Variants in IFT81 observed in about 807,000 individuals in gnomAD.
IFT81 encodes intraflagellar transport protein 81 homolog.
A neutral mutation model predicts 102.6 loss-of-function variants in IFT81; 72 were observed. The ratio of observed to expected loss-of-function variants is 0.70; its 90% CI spans 0.58 to 0.85. IFT81 has a LOEUF of 0.85. Ranked by LOEUF, IFT81 falls within the 40% of genes least tolerant of loss-of-function variation. The probability of loss-of-function intolerance (pLI) is 0.00; values close to 1 mark genes in which losing one functional copy is unlikely to be tolerated. For synonymous variants in IFT81, 237 were observed against 242.7 expected, an observed-to-expected ratio of 0.98 and a Z score of 0.22; for missense variants, 723 against 787.3, an observed-to-expected ratio of 0.92 and a Z score of 0.98.
At chr12:110,144,940 A>G (rs1593295693) in intron 9 of IFT81, among the ~76,000 whole-genome samples, 1 of 134,788 alleles carries the variant, frequency 7.4e-6, no homozygotes, top group African/African-American at 2.9e-5. Flanking sequence ...ATCTCAGCTC[A>G]CTGCAACCTC....
chr12:110,190,865 T>A, intron 12 of IFT81, 55 bp from the exon 13 acceptor site: 1 of 1,442,308 alleles, frequency 6.9e-7, no homozygotes, highest in Non-Finnish European at 9.1e-7. Flanking sequence ...ACATTTCTTA[T>A]GGGAGCCAGC....
At chr12:110,212,788 G>C (rs1182760475) in intron 18 of IFT81, among the ~76,000 whole-genome samples, 3 of 151,706 alleles carry the variant, frequency 2.0e-5, no homozygotes, top group Admixed American at 2.0e-4. Flanking sequence ...AGTGAGCAGA[G>C]ATCACACCAT....
chr12:110,202,960 A>T (rs1483557033), intron 14 of IFT81, among the ~76,000 whole-genome samples: 1 of 152,028 alleles, frequency 6.6e-6, no homozygotes, highest in Non-Finnish European at 1.5e-5. Flanking sequence ...TCCCCTCACC[A>T]TTTCCCAGAA....
chr12:110,216,965 T>A (rs942847767), intron 18 of IFT81: 1 of 195,064 alleles, frequency 5.1e-6, no homozygotes, highest in Non-Finnish European at 1.1e-5. Flanking sequence ...TTTCTCAGGC[T>A]TAGGCTAATA....
chr12:110,212,537 T>TAAA (rs71083109), intron 18 of IFT81, among the ~76,000 whole-genome samples: 2 of 119,908 alleles, frequency 1.7e-5, no homozygotes, highest in African/African-American at 6.3e-5. Flanking sequence ...AACTGTGTCT[T>TAAA]AAAAAAAAAA....
rs144160820 is a variant in IFT81 at position 110,209,030 on chromosome 12, T to G, written c.1803-141T>G. 8.1e-3 allele frequency: 3,308 copies of G among 410,268 alleles called. 14 individuals are homozygous for G. Among genetic ancestry groups the G allele is most frequent in the Non-Finnish European group, 9.2e-3 (2,077 of 225,242 alleles). 25.4% of individuals were successfully genotyped at this position (410,268 alleles called of 1,614,324 possible). ...AAAGATGGGGAAAGACAAAGAATTT[T>G]ATAATGGGTTTCATTCTGACTCCAG... On this transcript the variant is annotated intron_variant, in intron 17 of 18. Coordinates refer to ENST00000242591, the MANE Select transcript of IFT81 (RefSeq NM_014055.4).
At chr12:110,190,064 T>C (rs1041124592) in intron 12 of IFT81, among the ~76,000 whole-genome samples, 1 of 152,220 alleles carries the variant, frequency 6.6e-6, no homozygotes, top group Non-Finnish European at 1.5e-5. Context: ...AAAGTGATCA[T>C]TTTAAAATTG....
At position 110,218,272 on chromosome 12, in the gene IFT81, A is replaced by G. The variant is rs771129476; in HGVS notation, c.*46A>G. On this transcript the variant is annotated 3_prime_UTR_variant, in exon 19 of 19. Transcript: ENST00000242591. The stretch of plus-strand genomic sequence containing the variant: ...GGTTTTACTTGATACCACTAGCTAT[A>G]AGCCTAATCTCATAATGTATTTCTT... The G allele has an allele frequency of 7.4e-7, 1 of 1,352,150 alleles. No individual in the cohort carries two copies. The highest frequency in any genetic ancestry group is 9.9e-7 in the Non-Finnish European group (1 of 1,011,686). 83.8% of individuals were successfully genotyped at this position (1,352,150 alleles called of 1,614,324 possible).
chr12:110,173,233 C>T (rs1896859075), intron 11 of IFT81, among the ~76,000 whole-genome samples: 2 of 149,664 alleles, frequency 1.3e-5, no homozygotes, highest in East Asian at 2.0e-4. Flanking sequence ...GCCCCCCACC[C>T]GGCCAGCCGC....
At chr12:110,197,021 A>G (rs1898030164) in intron 14 of IFT81, among the ~76,000 whole-genome samples, 1 of 152,126 alleles carries the variant, frequency 6.6e-6, no homozygotes, top group Non-Finnish European at 1.5e-5. Context: ...CAACATAGCA[A>G]GACTCCATCT....
intron 12 of IFT81, among the ~76,000 whole-genome samples, chr12:110,181,434 TTTC>T (rs1292487590): frequency 6.6e-6 from 1 of 152,334 alleles, no homozygotes; most frequent in African/African-American, 2.4e-5. Context: ...TCTAGTTACC[TTTC>T]TATTATGAAT....
chr12:110,142,427 A>G (rs1184409123), intron 8 of IFT81, among the ~76,000 whole-genome samples: 3 of 151,552 alleles, frequency 2.0e-5, no homozygotes, highest in Non-Finnish European at 4.4e-5. Context: ...TCGGCCTCCC[A>G]AAGTGCTGGA....
chr12:110,210,167 C>CT (rs536579021), intron 18 of IFT81, among the ~76,000 whole-genome samples: 427 of 152,262 alleles, frequency 2.8e-3, no homozygotes, highest in Middle Eastern at 0.017. Flanking sequence ...CGTATACTTA[C>CT]TAATAATTCA....
rs535504164 is a variant in IFT81 at position 110,188,879 on chromosome 12, A to G, written c.1339-2041A>G. On this transcript the variant is annotated intron_variant, in intron 12 of 18. Coordinates refer to ENST00000242591, the MANE Select transcript of IFT81 (RefSeq NM_014055.4). ...GGGAGTCGGAGGTTGCAGTGAGCCA[A>G]GATCGCACCACTGCACTCCACCCTG... Among the ~76,000 whole-genome samples the G allele has an allele frequency of 2.0e-5, 3 of 151,936 alleles. No homozygotes were observed. In the South Asian group the frequency reaches 6.3e-4, roughly 32 times the overall value.
chr12:110,161,482 C>G (rs1370057777), intron 10 of IFT81, among the ~76,000 whole-genome samples: 1 of 150,124 alleles, frequency 6.7e-6, no homozygotes, highest in Non-Finnish European at 1.5e-5. Flanking sequence ...GGGTCTCTGT[C>G]ACCCAGGCTG....
chr12:110,181,616 A>T (rs534100132), intron 12 of IFT81, among the ~76,000 whole-genome samples: 1 of 152,308 alleles, frequency 6.6e-6, no homozygotes, highest in East Asian at 1.9e-4. Flanking sequence ...AAATATGTCA[A>T]TTCAGTCAGT....
chr12:110,181,173 A>T (rs1165224440), intron 12 of IFT81, among the ~76,000 whole-genome samples: 1 of 152,172 alleles, frequency 6.6e-6, no homozygotes, highest in East Asian at 1.9e-4. Flanking sequence ...TGGTAGAAGT[A>T]AGTGGAATTT....
At chr12:110,171,814 T>G (rs1896746893) in intron 11 of IFT81, 1 of 152,230 alleles carries the variant, frequency 6.6e-6, no homozygotes, top group South Asian at 2.1e-4. Context: ...AGTCTGAAGT[T>G]CTGTCTAGAG....
chr12:110,132,764 T>G (rs1894246615), intron 5 of IFT81, 128 bp downstream of exon 5: 2 of 522,352 alleles, frequency 3.8e-6, no homozygotes, highest in Non-Finnish European at 7.0e-6. Flanking sequence ...ACATTTTACT[T>G]TGTGGGGGGA....
Sources: gnomAD v4.1 joint callset for allele counts (sites outside exome capture counted in the v4.1 genomes callset) on GRCh38, gnomAD v4.1.1 for gene constraint, MANE v1.5 for transcripts, NCBI Gene and HGNC (gene_info 2026-07-23, HGNC 2026-07-21) for gene names.